Variants in MAL2 observed in about 807,000 individuals in gnomAD.
The protein encoded by MAL2 is mal, T cell differentiation protein 2.
Under a neutral mutation model 18.1 loss-of-function variants are expected in MAL2, and 17 were observed. That is an observed-to-expected ratio of 0.94 (90% CI 0.64 to 1.41). MAL2 has a LOEUF of 1.41. Ranked by LOEUF, MAL2 falls within the 40% of genes most tolerant of loss-of-function variation. MAL2 has a pLI of 0.00. For synonymous variants in MAL2, 102 were observed against 102.3 expected (o/e 1.00, Z 0.02); for missense variants, 222 against 231.9 (o/e 0.96, Z 0.28).
chr8:119,231,177 G>A (rs562454194), intron 2 of MAL2, among the ~76,000 whole-genome samples: 58 of 152,112 alleles, frequency 3.8e-4, no homozygotes, highest in African/African-American at 1.2e-3. Context: ...GACCACAGGC[G>A]CCCGCCACCA....
At chr8:119,211,764 C>T (rs1355063939) in intron 1 of MAL2, among the ~76,000 whole-genome samples, 1 of 147,432 alleles carries the variant, frequency 6.8e-6, no homozygotes, top group African/African-American at 2.5e-5. Flanking sequence ...TAATTGTCAG[C>T]TCTTTGGTTT....
At chr8:119,239,677 A>G (rs1008103888) in intron 2 of MAL2, among the ~76,000 whole-genome samples, 1 of 151,708 alleles carries the variant, frequency 6.6e-6, no homozygotes, top group Non-Finnish European at 1.5e-5. Context: ...AGAACAAAAA[A>G]CCAAACACCA....
At chr8:119,236,077 C>A in intron 2 of MAL2, among the ~76,000 whole-genome samples, 1 of 39,698 alleles carries the variant, frequency 2.5e-5, no homozygotes, top group Non-Finnish European at 5.0e-5. Flanking sequence ...CACATAGGCT[C>A]AAAATAAAAG....
At chr8:119,233,095 G>C (rs1276478383) in intron 2 of MAL2, among the ~76,000 whole-genome samples, 20 of 152,096 alleles carry the variant, frequency 1.3e-4, no homozygotes. Context: ...CAAAATGAAG[G>C]TAGAAATAAA....
chr8:119,222,744 C>T (rs917051531), intron 2 of MAL2, among the ~76,000 whole-genome samples: 3 of 150,832 alleles, frequency 2.0e-5, no homozygotes, highest in Non-Finnish European at 2.9e-5. Context: ...AGGAGGATCA[C>T]TTGAGCCCAG....
At chr8:119,227,312 G>T in intron 2 of MAL2, among the ~76,000 whole-genome samples, 1 of 151,988 alleles carries the variant, frequency 6.6e-6, no homozygotes, top group East Asian at 1.9e-4. Context: ...TGTGCATTTT[G>T]TTGTTGTTGT....
intron 2 of MAL2, among the ~76,000 whole-genome samples, chr8:119,239,638 G>C (rs1818002180): frequency 6.6e-6 from 1 of 151,674 alleles, no homozygotes; most frequent in East Asian, 1.9e-4. Flanking sequence ...GATGAAATTG[G>C]AAATCATCAT....
At chr8:119,228,825 T>C (rs1252323485) in intron 2 of MAL2, among the ~76,000 whole-genome samples, 1 of 152,126 alleles carries the variant, frequency 6.6e-6, no homozygotes, top group Non-Finnish European at 1.5e-5. Flanking sequence ...GAGAGTGAAA[T>C]ATTTTGCCCT....
At chr8:119,212,200 G>A (rs919311949) in intron 1 of MAL2, among the ~76,000 whole-genome samples, 2 of 152,188 alleles carry the variant, frequency 1.3e-5, no homozygotes, top group African/African-American at 4.8e-5. Context: ...TGCTCTCAAT[G>A]AGCTTATCTT....
chr8:119,239,912 AAAAAT>A (rs1317268420), intron 2 of MAL2, among the ~76,000 whole-genome samples: 2 of 152,136 alleles, frequency 1.3e-5, no homozygotes, highest in African/African-American at 2.4e-5. Context: ...ATAATAATAA[AAAAAT>A]AAAATTACAT....
rs1191646409 is a variant in MAL2, at chr8:119,208,754, G to T, written c.132+150G>T. Reference sequence around the variant, plus strand: ...TGCGCTCCCTCCCGGGGTCCTCTCGGTGCCCCGCGCCGCCGCCCGGGCCCT... The same window carrying T: ...TGCGCTCCCTCCCGGGGTCCTCTCGTTGCCCCGCGCCGCCGCCCGGGCCCT... On this transcript the variant is annotated intron_variant, in intron 1 of 3. Coordinates refer to ENST00000614891, the MANE Select transcript of MAL2 (RefSeq NM_052886.3). The surrounding 1 kb of genome is among the most constrained non-coding windows in gnomAD (Gnocchi z 4.3). The T allele has an allele frequency of 1.7e-4, 204 of 1,172,038 alleles. No homozygotes were observed. Among genetic ancestry groups the T allele is most frequent in the Non-Finnish European group, 2.1e-4 (198 of 938,926 alleles). The allele number at this position is 1,172,038 out of a possible 1,614,324, so 72.6% of individuals were successfully genotyped here. A position where few individuals can be genotyped will look rare whatever the true frequency, so the allele number is the denominator to read the frequency against.
Position 119,245,286 on chromosome 8 carries a change from C to A in MAL2, c.*1798C>A, listed in dbSNP as rs577837008. Reference sequence around the variant, plus strand: ...GTCATAAATGTGCCATATGGATATACAGTACATTCTAGTTGGAATCGTTTA... The same window carrying A: ...GTCATAAATGTGCCATATGGATATAAAGTACATTCTAGTTGGAATCGTTTA... On this transcript the variant is annotated 3_prime_UTR_variant, in exon 4 of 4. Transcript: ENST00000614891. The A allele has an allele frequency of 6.6e-6, 1 of 152,562 alleles. No homozygotes were observed. The highest frequency in any genetic ancestry group is 1.5e-5 in the Non-Finnish European group (1 of 68,024). 9.5% of individuals were successfully genotyped at this position (152,562 alleles called of 1,614,324 possible). A position where few individuals can be genotyped will look rare whatever the true frequency, so the allele number is the denominator to read the frequency against.
chr8:119,219,239 T>C (rs1193688472), intron 1 of MAL2, among the ~76,000 whole-genome samples: 1 of 152,202 alleles, frequency 6.6e-6, no homozygotes, highest in Non-Finnish European at 1.5e-5. Flanking sequence ...TTTTTTAGAC[T>C]GGTGATTTGA....
In MAL2 at chr8:119,240,308, C is replaced by T. The variant is rs760280429; in HGVS notation, c.447C>T (p.Asn149=). ...PLLSDNQYNI[N]VAASIFAFMT... is the part of the protein sequence containing the mutation. The stretch of plus-strand genomic sequence containing the variant: ...TGAGTGATAACCAGTATAACATAAA[C>T]GTAGCAGCCTCAGTAAGTATTCATA... Residue 149 remains asparagine, a synonymous_variant, in exon 3 of 4, where the codon AAC becomes AAT. Transcript: ENST00000614891. 8.1e-6 allele frequency: 13 copies of T among 1,613,158 alleles called. No individual in the cohort carries two copies. The highest frequency in any genetic ancestry group is 4.0e-5 in the African/African-American group (3 of 74,892).
chr8:119,241,485 T>C (rs183611994), intron 3 of MAL2, among the ~76,000 whole-genome samples: 41 of 146,372 alleles, frequency 2.8e-4, no homozygotes, highest in African/African-American at 9.1e-4. Flanking sequence ...ACCAAGACTC[T>C]GGTCGGGGGA....
chr8:119,214,465 GAA>G (rs1192398459), intron 1 of MAL2, among the ~76,000 whole-genome samples: 1 of 152,134 alleles, frequency 6.6e-6, no homozygotes, highest in Non-Finnish European at 1.5e-5. Context: ...AAAAAGAAAG[GAA>G]AGAGGCAGTG....
chr8:119,223,190 TTAG>T (rs1334811856), intron 2 of MAL2: 18 of 152,218 alleles, frequency 1.2e-4, no homozygotes, highest in Non-Finnish European at 1.5e-5. Context: ...CTAAATGTTA[TTAG>T]TGGTGAAGTG....
At chr8:119,225,162 C>A (rs1283942178) in intron 2 of MAL2, among the ~76,000 whole-genome samples, 2 of 152,084 alleles carry the variant, frequency 1.3e-5, no homozygotes, top group Non-Finnish European at 2.9e-5. Context: ...GGTACATGTG[C>A]ACAACGTGCA....
At chr8:119,242,675 A>G (rs1818070092) in intron 3 of MAL2, among the ~76,000 whole-genome samples, 1 of 152,212 alleles carries the variant, frequency 6.6e-6, no homozygotes, top group Non-Finnish European at 1.5e-5. Context: ...TGAATCTGGT[A>G]TTCCTTCCCA....
Sources: gnomAD v4.1 joint callset for allele counts (sites outside exome capture counted in the v4.1 genomes callset) on GRCh38, gnomAD v4.1.1 for gene constraint, Gnocchi (gnomAD v3.1) non-coding constraint, MANE v1.5 for transcripts, NCBI Gene and HGNC (gene_info 2026-07-23, HGNC 2026-07-21) for gene names.